The following CAMTA1 variants were observed in gnomAD, a reference collection of about 807,000 sequenced individuals.
CAMTA1 encodes calmodulin-binding transcription activator 1.
In CAMTA1, 27 loss-of-function variants were observed where a neutral mutation model predicts 170.9. The observed-to-expected ratio is 0.16, with a 90% confidence interval of 0.12 to 0.22. CAMTA1 has a LOEUF of 0.22. Ranked by LOEUF, CAMTA1 falls within the 10% of genes least tolerant of loss-of-function variation. The probability of loss-of-function intolerance (pLI) is 1.00; values close to 1 mark genes in which losing one functional copy is unlikely to be tolerated. For missense variants in CAMTA1, 1,619 were observed against 2,217.2 expected (o/e 0.73, Z 5.42); for synonymous variants, 833 against 891.5 (o/e 0.93, Z 1.17).
intron 4 of CAMTA1, among the ~76,000 whole-genome samples, chr1:7,132,007 C>T (rs1468331052): frequency 3.3e-5 from 5 of 151,696 alleles, no homozygotes; most frequent in African/African-American, 1.2e-4. Context: ...GAGCCGAGAT[C>T]GAACCACTGT....
At chr1:6,863,993 C>T (rs1665711056) in intron 3 of CAMTA1, among the ~76,000 whole-genome samples, 1 of 152,172 alleles carries the variant, frequency 6.6e-6, no homozygotes, top group South Asian at 2.1e-4. Context: ...GATTTGTCTA[C>T]TGTTTTTCTC....
chr1:7,449,769 CAAAA>C (rs59913060), intron 5 of CAMTA1, among the ~76,000 whole-genome samples: 5 of 79,608 alleles, frequency 6.3e-5, no homozygotes, highest in South Asian at 5.1e-4. Flanking sequence ...GACTCGGTCT[CAAAA>C]AAAAAAAAAA....
At position 7,642,601 on chromosome 1, in the gene CAMTA1, C is replaced by A. The variant is rs538578716; in HGVS notation, c.664+2048C>A. ...GGGGGCCTACTGATACTTTCTCTGC[C>A]GCAGAGCCTCAGCTGGGCCAGCGCT... On this transcript the variant is annotated intron_variant, in intron 7 of 22. Coordinates refer to ENST00000303635, the MANE Select transcript of CAMTA1 (RefSeq NM_015215.4). This position sits in a 1 kb window ranked among gnomAD's most constrained non-coding sequence, Gnocchi z 6.3. Among the ~76,000 whole-genome samples, 1 of 152,270 alleles carries A rather than the reference C, an allele frequency of 6.6e-6. No individual in the cohort carries two copies. The highest frequency in any genetic ancestry group is 2.1e-4 in the South Asian group (1 of 4,820).
chr1:7,082,332 G>C (rs1640120270), intron 3 of CAMTA1, among the ~76,000 whole-genome samples: 3 of 152,178 alleles, frequency 2.0e-5, no homozygotes, highest in Admixed American at 2.0e-4. Flanking sequence ...CAGCTACTCA[G>C]GAGGCTGAAG....
In CAMTA1 at chr1:7,732,840, A is replaced by G. The variant is rs1209809396; in HGVS notation, c.3066+241A>G. On this transcript the variant is annotated intron_variant, in intron 12 of 22. Coordinates refer to ENST00000303635, the MANE Select transcript of CAMTA1 (RefSeq NM_015215.4). The surrounding 1 kb of genome is among the most constrained non-coding windows in gnomAD (Gnocchi z 4.1). ...CCCCCCTAATCCTTAAGTTATCTCT[A>G]TTAATCTCAGAATTCACTACTAAAT... 2.0e-5 allele frequency among the ~76,000 whole-genome samples: 3 copies of G among 152,134 alleles called. No homozygotes were observed. Among genetic ancestry groups the G allele is most frequent in the African/African-American group, 4.8e-5 (2 of 41,426 alleles).
chr1:7,310,669 TTC>T, intron 5 of CAMTA1, among the ~76,000 whole-genome samples: 1 of 34,370 alleles, frequency 2.9e-5, no homozygotes, highest in East Asian at 6.4e-4. Context: ...CTTTCTTTCT[TTC>T]CTTTCTTTCT....
At chr1:6,921,068 A>C (rs891102511) in intron 3 of CAMTA1, among the ~76,000 whole-genome samples, 2 of 152,190 alleles carry the variant, frequency 1.3e-5, no homozygotes, top group African/African-American at 4.8e-5. Context: ...TTTTCTTTTC[A>C]ATTGCATTGC....
At chr1:7,394,897 T>C (rs2089141986) in intron 5 of CAMTA1, among the ~76,000 whole-genome samples, 1 of 151,740 alleles carries the variant, frequency 6.6e-6, no homozygotes, top group South Asian at 2.1e-4. Flanking sequence ...TTTTTTGTTT[T>C]CTGAGATGGA....
At chr1:7,746,165 G>T in intron 18 of CAMTA1, 74 bp downstream of exon 18, 2 of 1,510,204 alleles carry the variant, frequency 1.3e-6, no homozygotes, top group South Asian at 2.5e-5. Context: ...AGAATCATGC[G>T]AACAAAAACA....
chr1:7,056,136 G>A (rs1011094445), intron 3 of CAMTA1, among the ~76,000 whole-genome samples: 1 of 152,114 alleles, frequency 6.6e-6, no homozygotes, highest in Non-Finnish European at 1.5e-5. Context: ...TAATCAGAAG[G>A]ACACAGAGCT....
chr1:7,429,217 T>C (rs56164454), intron 5 of CAMTA1, among the ~76,000 whole-genome samples: 1,807 of 152,316 alleles, frequency 0.012, 38 homozygotes, highest in African/African-American at 0.041. Flanking sequence ...GGATACACAA[T>C]TGGATACACG....
intron 11 of CAMTA1, chr1:7,694,194 T>A (rs1254266512): frequency 6.6e-6 from 1 of 152,242 alleles, no homozygotes. Context: ...CTTTTCAGTA[T>A]CTTTATCGAG....
intron 11 of CAMTA1, among the ~76,000 whole-genome samples, chr1:7,709,698 A>G (rs1424818823): frequency 6.6e-6 from 1 of 152,202 alleles, no homozygotes; most frequent in Non-Finnish European, 1.5e-5. Flanking sequence ...CTTTCATATA[A>G]TACAGCAGGA....
At chr1:7,078,937 C>T (rs1287800883) in intron 3 of CAMTA1, among the ~76,000 whole-genome samples, 2 of 152,136 alleles carry the variant, frequency 1.3e-5, no homozygotes, top group Non-Finnish European at 2.9e-5. Context: ...AGGAGAAGGC[C>T]TGGCAAAGAA....
intron 5 of CAMTA1, among the ~76,000 whole-genome samples, chr1:7,459,112 G>A (rs760865520): frequency 4.3e-4 from 66 of 152,192 alleles, no homozygotes; most frequent in Non-Finnish European, 7.6e-4. Flanking sequence ...CCAATGGCAC[G>A]GGTGTCTGAG....
intron 6 of CAMTA1, among the ~76,000 whole-genome samples, chr1:7,636,264 G>A (rs970377464): frequency 1.3e-5 from 2 of 152,196 alleles, no homozygotes; most frequent in African/African-American, 4.8e-5. Flanking sequence ...CTGGATCTGT[G>A]AGCCCTTGAA....
intron 4 of CAMTA1, among the ~76,000 whole-genome samples, chr1:7,148,276 C>T (rs1477913654): frequency 2.0e-5 from 3 of 151,448 alleles, no homozygotes; most frequent in Non-Finnish European, 4.4e-5. Flanking sequence ...CACAAACATA[C>T]ACCAAGCACA....
At chr1:7,070,784 CA>C (rs1414349388) in intron 3 of CAMTA1, among the ~76,000 whole-genome samples, 4 of 152,216 alleles carry the variant, frequency 2.6e-5, no homozygotes, top group African/African-American at 9.6e-5. Flanking sequence ...CTGTCGCCAG[CA>C]GTGTTTTCTC....
chr1:7,347,732 G>A (rs1290102579), intron 5 of CAMTA1, among the ~76,000 whole-genome samples: 1 of 151,920 alleles, frequency 6.6e-6, no homozygotes, highest in East Asian at 1.9e-4. Flanking sequence ...GGACCCCCCC[G>A]GCTTGCAGCT....
Sources: gnomAD v4.1 joint callset for allele counts (sites outside exome capture counted in the v4.1 genomes callset) on GRCh38, gnomAD v4.1.1 for gene constraint, Gnocchi (gnomAD v3.1) non-coding constraint, MANE v1.5 for transcripts, NCBI Gene and HGNC (gene_info 2026-07-23, HGNC 2026-07-21) for gene names.